The following SMIM7 variants were observed in gnomAD, a reference collection of about 807,000 sequenced individuals.
SMIM7 encodes UPF0608 protein C19orf42.
In SMIM7, 12 loss-of-function variants were observed where a neutral mutation model predicts 13.3. The ratio of observed to expected loss-of-function variants is 0.90; its 90% CI spans 0.58 to 1.46. The LOEUF (loss-of-function observed/expected upper bound fraction) is 1.46, where lower values mean the gene tolerates loss of function less well. Ranked by LOEUF, SMIM7 falls within the 40% of genes most tolerant of loss-of-function variation. The probability of loss-of-function intolerance (pLI) is 0.00; values close to 1 mark genes in which losing one functional copy is unlikely to be tolerated. For synonymous variants in SMIM7, 36 were observed against 35.8 expected (o/e 1.01, Z -0.02); for missense variants, 114 against 94.8 (o/e 1.20, Z -0.84).
At chr19:16,656,052 A>C (rs1319996167) in intron 3 of SMIM7, among the ~76,000 whole-genome samples, 1 of 152,200 alleles carries the variant, frequency 6.6e-6, no homozygotes, top group Non-Finnish European at 1.5e-5. Context: ...AAGGATCGTG[A>C]AAACAGGACC....
At chr19:16,633,444 A>C (rs1317933989) in intron 4 of SMIM7, among the ~76,000 whole-genome samples, 1 of 147,424 alleles carries the variant, frequency 6.8e-6, no homozygotes, top group East Asian at 2.0e-4. Context: ...CAACAGAGTG[A>C]GAATCTGTCT....
At chr19:16,647,449 G>T (rs1037087968) in intron 4 of SMIM7, among the ~76,000 whole-genome samples, 188 bp from the exon 5 acceptor site, 8 of 151,370 alleles carry the variant, frequency 5.3e-5, no homozygotes, top group African/African-American at 1.5e-4. Flanking sequence ...ACAGTTAAAA[G>T]AAGAATATAC....
At chr19:16,634,965 G>C (rs2086348207) in intron 4 of SMIM7, 1 of 151,998 alleles carries the variant, frequency 6.6e-6, no homozygotes, top group Non-Finnish European at 1.5e-5. Flanking sequence ...TCTCATACCT[G>C]TCCCACTGGG....
At chr19:16,660,060 C>T (rs1361461155) in intron 1 of SMIM7, 25 bp downstream of exon 1, 2 of 1,614,188 alleles carry the variant, frequency 1.2e-6, no homozygotes, top group East Asian at 4.5e-5. Flanking sequence ...GCTCTCTCTT[C>T]CCAGCCTCTG....
In SMIM7 at chr19:16,654,072, C is replaced by G. The variant is rs200102982; in HGVS notation, c.175G>C (p.Ala59Pro). 1.2e-6 allele frequency: 2 copies of G among 1,613,850 alleles called. No homozygotes were observed. The highest frequency in any genetic ancestry group is 1.7e-6 in the Non-Finnish European group (2 of 1,179,992). The part of the protein sequence containing the change: ...LSLRYFRIFI[A>P]LWNIFMMFCM... ...AACATCATGAAGATGTTCCACAGGG[C>G]GATGAAGATTCGAAAGTATCTGAGG... is the stretch of plus-strand genomic sequence containing the variant. The change falls in exon 4 of 5, where the codon GCC becomes CCC. Residue 59 changes from alanine to proline, a missense_variant. Coordinates refer to ENST00000487416, the MANE Select transcript of SMIM7 (RefSeq NM_024104.4).
intron 4 of SMIM7, chr19:16,652,844 C>T (rs1460226561): frequency 6.5e-7 from 1 of 1,550,110 alleles, no homozygotes; most frequent in Admixed American, 2.0e-5. Context: ...ACACCAGATT[C>T]TCCCGTCGTG....
At chr19:16,647,650 T>G (rs1361284813) in intron 4 of SMIM7, among the ~76,000 whole-genome samples, 2 of 151,748 alleles carry the variant, frequency 1.3e-5, no homozygotes, top group African/African-American at 2.4e-5. Flanking sequence ...GAAATGGGGT[T>G]TCACCATGTT....
intron 4 of SMIM7, among the ~76,000 whole-genome samples, chr19:16,639,413 C>T (rs780713709): frequency 9.2e-5 from 14 of 152,112 alleles, no homozygotes; most frequent in African/African-American, 3.1e-4. Context: ...TGAGCCACTG[C>T]GCCCGGTCAT....
chr19:16,659,341 CAG>C (rs2086640254), intron 3 of SMIM7, 52 bp downstream of exon 3: 2 of 1,333,274 alleles, frequency 1.5e-6, no homozygotes, highest in Non-Finnish European at 2.1e-6. Flanking sequence ...CTTGGCGAAA[CAG>C]AACTGTCCTC....
chr19:16,659,922 C>G (rs2086653083), intron 2 of SMIM7, 37 bp downstream of exon 2: 1 of 1,593,774 alleles, frequency 6.3e-7, no homozygotes, highest in African/African-American at 1.3e-5. Context: ...CTACGGGTTC[C>G]CCGGATGGAG....
downstream of SMIM7, among the ~76,000 whole-genome samples, chr19:16,641,654 A>G (rs1001320385): frequency 6.6e-6 from 1 of 152,094 alleles, no homozygotes; most frequent in Non-Finnish European, 1.5e-5. Flanking sequence ...GCTGGAGTGC[A>G]GTGGAAAAAT....
chr19:16,645,257 G>A (rs2086438076), downstream of SMIM7: 1 of 152,140 alleles, frequency 6.6e-6, no homozygotes, highest in Non-Finnish European at 1.5e-5. Flanking sequence ...AAACCTCAAT[G>A]ACAGGATTCT....
At position 16,647,144 on chromosome 19, in the gene SMIM7, G is replaced by T; in HGVS notation, c.*102C>A. 6.6e-7 allele frequency: 1 copy of T among 1,507,130 alleles called. No individual in the cohort carries two copies. Among genetic ancestry groups the T allele is most frequent in the Non-Finnish European group, 9.2e-7 (1 of 1,088,734 alleles). 93.4% of individuals were successfully genotyped at this position (1,507,130 alleles called of 1,614,324 possible). ...CCACGAGCTTGGACTTTCTGGGAAG[G>T]TTGTCGGTTTTCTGGTCAAAAACAT... On this transcript the variant is annotated 3_prime_UTR_variant, in exon 5 of 5. Coordinates refer to ENST00000487416, the MANE Select transcript of SMIM7 (RefSeq NM_024104.4).
chr19:16,655,325 C>A (rs1298116796), intron 3 of SMIM7: 2 of 456,188 alleles, frequency 4.4e-6, no homozygotes, highest in Non-Finnish European at 8.8e-6. Flanking sequence ...GGGTTCTAGA[C>A]CCTTCTTCCA....
At chr19:16,659,359 T>C (rs1018643256) in intron 3 of SMIM7, 36 bp downstream of exon 3, 25 of 1,590,206 alleles carry the variant, frequency 1.6e-5, no homozygotes, top group Middle Eastern at 1.7e-4. Context: ...TCCTCTGAAG[T>C]GGACCATGCA....
chr19:16,653,403 T>C (rs762846940), intron 4 of SMIM7, among the ~76,000 whole-genome samples: 2 of 151,890 alleles, frequency 1.3e-5, no homozygotes, highest in Non-Finnish European at 2.9e-5. Context: ...ACCAACATGA[T>C]GAAACCCTGT....
intron 3 of SMIM7, among the ~76,000 whole-genome samples, chr19:16,657,724 T>A (rs1409873486): frequency 6.6e-6 from 1 of 152,204 alleles, no homozygotes; most frequent in African/African-American, 2.4e-5. Context: ...GGGGAGCTGC[T>A]GGAGTGTCTT....
rs1452066513 is a variant in SMIM7 at position 16,660,014 on chromosome 19, A to C, written c.27-14T>G. On this transcript the variant is annotated splice_polypyrimidine_tract_variant and intron_variant, in intron 1 of 4. Coordinates refer to ENST00000487416, the MANE Select transcript of SMIM7 (RefSeq NM_024104.4). ...ATCAGCAACGTCCTGCAGAGGGAGA[A>C]TTACAGTTACTAGGGGCGCCCCCGC... The C allele has an allele frequency of 1.2e-6, 2 of 1,614,020 alleles. No individual in the cohort carries two copies. Among genetic ancestry groups the C allele is most frequent in the Non-Finnish European group, 1.7e-6 (2 of 1,179,990 alleles).
chr19:16,631,081 C>T (rs1480052386), exon 5 of SMIM7: 1 of 152,110 alleles, frequency 6.6e-6, no homozygotes, highest in Non-Finnish European at 1.5e-5. Context: ...GAAGGGAACC[C>T]CAAAGAGAAA....
Sources: allele counts gnomAD v4.1 joint callset (sites outside exome capture counted in the v4.1 genomes callset), GRCh38; gene constraint gnomAD v4.1.1; transcripts MANE v1.5; gene names NCBI Gene and HGNC (gene_info 2026-07-23, HGNC 2026-07-21).